The following TSHZ1 variants were observed in gnomAD, a reference collection of about 807,000 sequenced individuals.
The protein encoded by TSHZ1 is teashirt homolog 1.
TSHZ1 carries 12 observed loss-of-function variants against 67.1 expected under a neutral mutation model. That is an observed-to-expected ratio of 0.18 (90% CI 0.11 to 0.29). The LOEUF (loss-of-function observed/expected upper bound fraction) is 0.29. Among genes scored for constraint, TSHZ1 ranks in the 10% least tolerant of loss-of-function variants. The probability of loss-of-function intolerance (pLI) is 1.00; values close to 1 mark genes in which losing one functional copy is unlikely to be tolerated. For missense variants in TSHZ1, 1,305 were observed against 1,413.9 expected (o/e 0.92, Z 1.23); for synonymous variants, 632 against 622.4 (o/e 1.02, Z -0.23).
chr18:75,238,252 C>T (rs748257672), intron 1 of TSHZ1, among the ~76,000 whole-genome samples: 3 of 152,180 alleles, frequency 2.0e-5, no homozygotes, highest in African/African-American at 4.8e-5. Context: ...AGACATGCCA[C>T]GTAGACTAAG....
At chr18:75,242,979 G>A (rs1434011937) in intron 1 of TSHZ1, among the ~76,000 whole-genome samples, 3 of 152,312 alleles carry the variant, frequency 2.0e-5, no homozygotes, top group East Asian at 3.9e-4. Context: ...CTGTCCCTGA[G>A]GTGCACACAC....
At chr18:75,269,353 G>T (rs1245347585) in intron 1 of TSHZ1, among the ~76,000 whole-genome samples, 1 of 152,162 alleles carries the variant, frequency 6.6e-6, no homozygotes, top group Non-Finnish European at 1.5e-5. Flanking sequence ...GGTCCACTAC[G>T]ATGTGGTTCT....
intron 1 of TSHZ1, among the ~76,000 whole-genome samples, chr18:75,254,967 T>C (rs1445714059): frequency 6.6e-6 from 1 of 152,228 alleles, no homozygotes; most frequent in Non-Finnish European, 1.5e-5. Context: ...CCCAGAATAG[T>C]TGTGATTTTA....
intron 1 of TSHZ1, among the ~76,000 whole-genome samples, chr18:75,264,258 A>T (rs188155192): frequency 1.2e-4 from 18 of 152,346 alleles, no homozygotes; most frequent in Admixed American, 2.0e-4. Flanking sequence ...ACAATATGTC[A>T]TCCAGTAAAT....
At chr18:75,236,820 G>A (rs753334512) in intron 1 of TSHZ1, among the ~76,000 whole-genome samples, 4 of 152,066 alleles carry the variant, frequency 2.6e-5, no homozygotes, top group Admixed American at 6.5e-5. Flanking sequence ...TGAGGCTTAC[G>A]GAATTTAAGG....
At chr18:75,215,981 GGT>G (rs2022761656) in intron 1 of TSHZ1, among the ~76,000 whole-genome samples, 1 of 151,926 alleles carries the variant, frequency 6.6e-6, no homozygotes, top group South Asian at 2.1e-4. Flanking sequence ...TGTGTTTGTG[GGT>G]GTGTGGTGGG....
chr18:75,285,320 T>C lies in TSHZ1; in HGVS notation c.41-128T>C, dbSNP rs947629108. 3.4e-6 allele frequency: 4 copies of C among 1,186,366 alleles called. No homozygotes were observed. The African/African-American group carries it at 6.1e-5, about 18-fold the overall frequency. 73.5% of individuals were successfully genotyped at this position (1,186,366 alleles called of 1,614,324 possible). A position where few individuals can be genotyped will look rare whatever the true frequency, so the allele number is the denominator to read the frequency against. On this transcript the variant is annotated intron_variant, in intron 1 of 1. Coordinates refer to ENST00000580243, the MANE Select transcript of TSHZ1 (RefSeq NM_001308210.2). Reference sequence around the variant, plus strand: ...CCTGCAAAGGGGTAGATATGTAAACTTGGGGTAGCCTTGTGTCCTGGGGGC... The same window carrying C: ...CCTGCAAAGGGGTAGATATGTAAACCTGGGGTAGCCTTGTGTCCTGGGGGC...
In TSHZ1 at chr18:75,281,996, G is replaced by T. The variant is rs2079837595; in HGVS notation, c.41-3452G>T. On this transcript the variant is annotated intron_variant, in intron 1 of 1. Coordinates refer to ENST00000580243, the MANE Select transcript of TSHZ1 (RefSeq NM_001308210.2). The surrounding 1 kb of genome is among the most constrained non-coding windows in gnomAD (Gnocchi z 5.3). ...CCGTCCCTAGGGCAGGGACTTTATG[G>T]ACCCCCTCCTTCGACGTCCGCACTC... Among the ~76,000 whole-genome samples, 1 of 152,058 alleles carries T rather than the reference G, an allele frequency of 6.6e-6. No homozygotes were observed. Among genetic ancestry groups the T allele is most frequent in the Admixed American group, 6.5e-5 (1 of 15,284 alleles).
intron 1 of TSHZ1, among the ~76,000 whole-genome samples, chr18:75,260,156 T>C (rs1203750726): frequency 6.6e-6 from 1 of 152,270 alleles, no homozygotes; most frequent in African/African-American, 2.4e-5. Context: ...AGGGGTTCTT[T>C]CTGTGCCCCA....
chr18:75,241,808 T>A (rs2023160273), intron 1 of TSHZ1, among the ~76,000 whole-genome samples: 2 of 151,590 alleles, frequency 1.3e-5, no homozygotes. Context: ...CTTCCTCCCC[T>A]CTTCCAGCTC....
At chr18:75,274,848 A>G (rs528091145) in intron 1 of TSHZ1, among the ~76,000 whole-genome samples, 5 of 152,350 alleles carry the variant, frequency 3.3e-5, no homozygotes, top group Non-Finnish European at 5.9e-5. Flanking sequence ...TAGTGTTGAT[A>G]TAACTTTTGA....
intron 1 of TSHZ1, among the ~76,000 whole-genome samples, chr18:75,280,210 C>T (rs558550818): frequency 3.1e-4 from 47 of 152,258 alleles, no homozygotes; most frequent in African/African-American, 1.1e-3. Context: ...AGATTTAGAC[C>T]GTGGCAAGTT....
Position 75,287,640 on chromosome 18 carries a change from C to T in TSHZ1, c.2233C>T (p.Pro745Ser). The change falls in exon 2 of 2, where the codon CCG becomes TCG. Residue 745 changes from proline (P) to serine (S), a missense_variant. Physicochemically the swap from Pro to Ser is moderately conservative, Grantham distance 74. Around this residue, in one of 3 missense-constraint regions of TSHZ1, gnomAD observed 909 missense variants for 961.8 expected, o/e 0.95. Transcript: ENST00000580243. This position sits in a 1 kb window ranked among gnomAD's most constrained non-coding sequence, Gnocchi z 5.0. Reference sequence around the variant, plus strand: ...CTCACCGGAGCCTTCCTTCATCAACCCGCTGAGCGCTTTGCAGTCCATCAT... The same window carrying T: ...CTCACCGGAGCCTTCCTTCATCAACTCGCTGAGCGCTTTGCAGTCCATCAT... ...DHSPEPSFIN[P>S]LSALQSIMNT... 1 of 1,614,194 alleles carries T rather than the reference C, an allele frequency of 6.2e-7. No individual in the cohort carries two copies. The highest frequency in any genetic ancestry group is 8.5e-7 in the Non-Finnish European group (1 of 1,180,052).
chr18:75,270,156 C>T (rs573281028), intron 1 of TSHZ1, among the ~76,000 whole-genome samples: 1 of 152,318 alleles, frequency 6.6e-6, no homozygotes. Context: ...TGTGTGTCCA[C>T]CCCCGGCTGT....
chr18:75,286,248 G>A lies in TSHZ1; in HGVS notation c.841G>A (p.Glu281Lys), dbSNP rs778692508. 8 of 1,613,864 alleles carry A rather than the reference G, an allele frequency of 5.0e-6. No homozygotes were observed. The East Asian group carries it at 6.7e-5, about 13-fold the overall frequency. Residue 281 changes from glutamate to lysine, a missense_variant, in exon 2 of 2, where the codon GAG becomes AAG. Glu to Lys is a moderately conservative substitution (Grantham distance 56). Around this residue, in one of 3 missense-constraint regions of TSHZ1, gnomAD observed 358 missense variants for 375.6 expected, o/e 0.95. Transcript: ENST00000580243. This position sits in a 1 kb window ranked among gnomAD's most constrained non-coding sequence, Gnocchi z 5.1. ...TGACGACAACAGGGACAAGGACTCC[G>A]AGAAGACCAAGAGGTGGTCCAAGCC... ...YRDDNRDKDSEKTKRWSKPRK... is the reference protein window; with the variant it reads ...YRDDNRDKDSKKTKRWSKPRK...
chr18:75,269,903 G>T (rs1448685199), intron 1 of TSHZ1, among the ~76,000 whole-genome samples: 1 of 152,158 alleles, frequency 6.6e-6, no homozygotes, highest in Admixed American at 6.5e-5. Flanking sequence ...TTCCGACAGG[G>T]CTTTGTAGCC....
intron 1 of TSHZ1, among the ~76,000 whole-genome samples, chr18:75,234,924 A>C (rs1389842628): frequency 6.6e-6 from 1 of 152,234 alleles, no homozygotes; most frequent in Admixed American, 6.5e-5. Context: ...TCATTTTCTC[A>C]GTAGACCCAG....
intron 1 of TSHZ1, among the ~76,000 whole-genome samples, chr18:75,217,708 G>A (rs905534864): frequency 6.6e-6 from 1 of 152,090 alleles, no homozygotes; most frequent in Non-Finnish European, 1.5e-5. Flanking sequence ...ATGTATATGG[G>A]TTTCTACCTG....
intron 1 of TSHZ1, among the ~76,000 whole-genome samples, chr18:75,255,954 CTTAAT>C (rs2023357245): frequency 6.6e-6 from 1 of 152,132 alleles, no homozygotes; most frequent in African/African-American, 2.4e-5. Flanking sequence ...GAATTATTAA[CTTAAT>C]TTATTAGGAA....
Sources: gnomAD v4.1 joint callset for allele counts (sites outside exome capture counted in the v4.1 genomes callset) on GRCh38, gnomAD v4.1.1 for gene constraint, gnomAD v4.1.1 regional missense constraint, Gnocchi (gnomAD v3.1) non-coding constraint, MANE v1.5 for transcripts, NCBI Gene and HGNC (gene_info 2026-07-23, HGNC 2026-07-21) for gene names.